Variants in CTNNA3 observed in about 807,000 individuals in gnomAD.
CTNNA3 encodes the protein catenin alpha 3.
A neutral mutation model predicts 95.7 loss-of-function variants in CTNNA3; 76 were observed. That is an observed-to-expected ratio of 0.79 (90% CI 0.66 to 0.96). CTNNA3 has a LOEUF of 0.96. Among genes scored for constraint, CTNNA3 ranks in the 40% least tolerant of loss-of-function variants. The pLI is 0.00. For synonymous variants in CTNNA3, 431 were observed against 374.4 expected, an observed-to-expected ratio of 1.15 and a Z score of -1.74; for missense variants, 1,191 against 1,089.8, an observed-to-expected ratio of 1.09 and a Z score of -1.31.
chr10:66,747,551 C>T (rs1305045247), intron 9 of CTNNA3, among the ~76,000 whole-genome samples: 2 of 152,220 alleles, frequency 1.3e-5, no homozygotes, highest in Admixed American at 6.5e-5. Context: ...GACCTATGCA[C>T]GTCACTTAGC....
At chr10:66,439,445 C>A (rs1236559499) in intron 11 of CTNNA3, among the ~76,000 whole-genome samples, 2 of 151,958 alleles carry the variant, frequency 1.3e-5, no homozygotes, top group African/African-American at 2.4e-5. Context: ...GTAGTTGTTA[C>A]CTGAGGATTA....
chr10:66,967,849 CAAT>C (rs903603514), intron 7 of CTNNA3, among the ~76,000 whole-genome samples: 6 of 152,004 alleles, frequency 3.9e-5, no homozygotes, highest in Non-Finnish European at 7.4e-5. Context: ...AATTCTACAA[CAAT>C]GAGTAGTTAA....
At chr10:67,728,244 A>G (rs1841255277) in intron 1 of CTNNA3, among the ~76,000 whole-genome samples, 1 of 148,960 alleles carries the variant, frequency 6.7e-6, no homozygotes, top group Admixed American at 6.8e-5. Flanking sequence ...ACTTGATGTC[A>G]GGAGTTCAAG....
intron 1 of CTNNA3, among the ~76,000 whole-genome samples, chr10:67,678,435 C>T (rs1840571125): frequency 1.3e-5 from 2 of 152,162 alleles, no homozygotes; most frequent in Admixed American, 1.3e-4. Context: ...TCCTGCCTCT[C>T]TACCAGCAGC....
At chr10:66,169,177 T>C (rs892427972) in intron 13 of CTNNA3, among the ~76,000 whole-genome samples, 1 of 152,160 alleles carries the variant, frequency 6.6e-6, no homozygotes, top group African/African-American at 2.4e-5. Context: ...CCTCACTCCC[T>C]TCCTTCCCTT....
chr10:67,286,219 T>G (rs79241226), intron 5 of CTNNA3, among the ~76,000 whole-genome samples: 6,455 of 152,256 alleles, frequency 0.042, 181 homozygotes, highest in South Asian at 0.1. Flanking sequence ...CAAATAACCC[T>G]TAGTGACTCT....
intron 9 of CTNNA3, among the ~76,000 whole-genome samples, chr10:66,637,191 GA>G (rs1196827481): frequency 6.6e-6 from 1 of 152,166 alleles, no homozygotes; most frequent in Non-Finnish European, 1.5e-5. Flanking sequence ...AAGAAATAGT[GA>G]ATGGTCTAAT....
At chr10:67,615,772 C>T (rs1437907207) in intron 2 of CTNNA3, among the ~76,000 whole-genome samples, 1 of 148,466 alleles carries the variant, frequency 6.7e-6, no homozygotes, top group Non-Finnish European at 1.5e-5. Flanking sequence ...AAGCGATTCT[C>T]GTGCCTCAGC....
chr10:67,631,353 G>T (rs1347725033), intron 2 of CTNNA3, among the ~76,000 whole-genome samples: 1 of 152,056 alleles, frequency 6.6e-6, no homozygotes, highest in Non-Finnish European at 1.5e-5. Context: ...GAAGAATTTG[G>T]TAACCATAAA....
chr10:67,598,127 C>A (rs1054149189), intron 3 of CTNNA3, among the ~76,000 whole-genome samples: 3 of 152,112 alleles, frequency 2.0e-5, no homozygotes, highest in African/African-American at 7.2e-5. Context: ...AAGGCCAAAA[C>A]CACCTAGAGG....
At chr10:67,003,973 C>T (rs1174864453) in intron 7 of CTNNA3, among the ~76,000 whole-genome samples, 1 of 152,012 alleles carries the variant, frequency 6.6e-6, no homozygotes, top group Admixed American at 6.6e-5. Context: ...TTTCTGTACT[C>T]AAAGGACTTA....
intron 9 of CTNNA3, among the ~76,000 whole-genome samples, chr10:66,708,880 G>A (rs1848204544): frequency 6.6e-6 from 1 of 152,082 alleles, no homozygotes; most frequent in African/African-American, 2.4e-5. Context: ...TAATCATTGT[G>A]TGGTGGGATA....
chr10:67,665,881 G>C (rs1444999479), intron 1 of CTNNA3, among the ~76,000 whole-genome samples: 2 of 152,134 alleles, frequency 1.3e-5, no homozygotes, highest in Non-Finnish European at 2.9e-5. Flanking sequence ...TGGTCATTAT[G>C]TACCCAAAAC....
intron 9 of CTNNA3, among the ~76,000 whole-genome samples, chr10:66,749,849 G>A (rs1839059183): frequency 6.6e-6 from 1 of 152,206 alleles, no homozygotes; most frequent in South Asian, 2.1e-4. Context: ...GAATGACAAT[G>A]CTTCTTGCTC....
At chr10:67,606,652 G>C (rs985117704) in intron 3 of CTNNA3, among the ~76,000 whole-genome samples, 6 of 152,232 alleles carry the variant, frequency 3.9e-5, no homozygotes, top group Non-Finnish European at 7.4e-5. Context: ...TGGGGGGACC[G>C]AGCAACTAAA....
chr10:66,274,748 A>G (rs2091355397), intron 13 of CTNNA3, among the ~76,000 whole-genome samples: 1 of 152,120 alleles, frequency 6.6e-6, no homozygotes, highest in Non-Finnish European at 1.5e-5. Flanking sequence ...CAATGTAACC[A>G]CCTCAAATGA....
At chr10:66,983,183 C>G (rs541289141) in intron 7 of CTNNA3, among the ~76,000 whole-genome samples, 13 of 152,250 alleles carry the variant, frequency 8.5e-5, no homozygotes, top group South Asian at 4.1e-4. Context: ...ACTGCAGTGT[C>G]TACAGCTCAG....
At chr10:66,868,217 C>T (rs1844257924) in intron 7 of CTNNA3, among the ~76,000 whole-genome samples, 1 of 149,656 alleles carries the variant, frequency 6.7e-6, no homozygotes, top group African/African-American at 2.5e-5. Flanking sequence ...CATAGCCGGG[C>T]ATGGGGGTGT....
chr10:66,154,643 T>C (rs2133914080), intron 13 of CTNNA3, among the ~76,000 whole-genome samples: 1 of 149,136 alleles, frequency 6.7e-6, no homozygotes, highest in South Asian at 2.1e-4. Flanking sequence ...CAAGTGATAG[T>C]ATATTTCGTT....
Sources: gnomAD v4.1 joint callset for allele counts (sites outside exome capture counted in the v4.1 genomes callset) on GRCh38, gnomAD v4.1.1 for gene constraint, MANE v1.5 for transcripts, NCBI Gene and HGNC (gene_info 2026-07-23, HGNC 2026-07-21) for gene names.